Variants in GNA14 observed in about 807,000 individuals in gnomAD.
The protein encoded by GNA14 is G protein subunit alpha 14, also known as guanine nucleotide-binding protein subunit alpha-14.
In GNA14, 50 loss-of-function variants were observed where a neutral mutation model predicts 42.0. The ratio of observed to expected loss-of-function variants is 1.19; its 90% CI spans 0.95 to 1.51. The LOEUF is 1.51. Ranked by LOEUF, GNA14 falls within the 40% of genes most tolerant of loss-of-function variation. The pLI is 0.00. For missense variants in GNA14, 473 were observed against 446.2 expected, an observed-to-expected ratio of 1.06 and a Z score of -0.54; for synonymous variants, 173 against 163.1, an observed-to-expected ratio of 1.06 and a Z score of -0.46.
At chr9:77,519,229 G>A (rs1837311071) in intron 2 of GNA14, among the ~76,000 whole-genome samples, 1 of 152,142 alleles carries the variant, frequency 6.6e-6, no homozygotes, top group Admixed American at 6.5e-5. Context: ...TGGCCAACAT[G>A]GTGAAACCTC....
At chr9:77,567,141 G>T (rs1282724001) in intron 1 of GNA14, among the ~76,000 whole-genome samples, 3 of 152,034 alleles carry the variant, frequency 2.0e-5, no homozygotes, top group Non-Finnish European at 4.4e-5. Flanking sequence ...ATCTAAATCT[G>T]TTATGCAAAT....
chr9:77,491,561 CAAAT>C (rs746207974), intron 2 of GNA14, among the ~76,000 whole-genome samples: 56 of 152,160 alleles, frequency 3.7e-4, no homozygotes, highest in African/African-American at 1.3e-3. Flanking sequence ...TAAAAAGAGA[CAAAT>C]AATTAATTAC....
At chr9:77,477,319 C>G (rs1035993272) in intron 2 of GNA14, among the ~76,000 whole-genome samples, 1 of 152,064 alleles carries the variant, frequency 6.6e-6, no homozygotes. Context: ...TGCATTCCAG[C>G]CTGGGTGACA....
At chr9:77,589,855 C>T (rs1398627233) in intron 1 of GNA14, among the ~76,000 whole-genome samples, 2 of 152,188 alleles carry the variant, frequency 1.3e-5, no homozygotes, top group Non-Finnish European at 2.9e-5. Context: ...AGGGAAACAT[C>T]AAATATGAGT....
intron 4 of GNA14, among the ~76,000 whole-genome samples, chr9:77,431,047 T>TGG (rs781525638): frequency 4.8e-4 from 73 of 151,896 alleles, no homozygotes; most frequent in Non-Finnish European, 9.7e-4. Context: ...TGTGTGTGTG[T>TGG]GTGTGTGTGT....
chr9:77,555,809 C>T (rs546320405), intron 1 of GNA14, among the ~76,000 whole-genome samples: 5 of 152,276 alleles, frequency 3.3e-5, no homozygotes, highest in African/African-American at 1.2e-4. Flanking sequence ...AAATATTTTA[C>T]AGCAATGAAA....
intron 1 of GNA14, among the ~76,000 whole-genome samples, chr9:77,620,623 T>C (rs989717762): frequency 6.6e-6 from 1 of 151,896 alleles, no homozygotes; most frequent in Non-Finnish European, 1.5e-5. Context: ...TCGAGGCAGG[T>C]GGATCACGAG....
intron 1 of GNA14, among the ~76,000 whole-genome samples, chr9:77,557,924 A>G (rs1822814366): frequency 6.6e-6 from 1 of 152,162 alleles, no homozygotes; most frequent in African/African-American, 2.4e-5. Flanking sequence ...TTTTGCCAAC[A>G]AGTTCAGAAT....
chr9:77,547,863 C>T (rs981948895), intron 1 of GNA14, among the ~76,000 whole-genome samples: 2 of 152,000 alleles, frequency 1.3e-5, no homozygotes, highest in African/African-American at 4.8e-5. Context: ...GAATGAAAAT[C>T]ACATTAATTG....
rs1163590134 is a variant in GNA14, at chr9:77,618,620, A to ATT, written c.124+29048_124+29049dup. 3.7e-3 allele frequency among the ~76,000 whole-genome samples: 38 copies of ATT among 10,402 alleles called. 1 individual carries two copies. The highest frequency in any genetic ancestry group is 6.6e-3 in the East Asian group (1 of 152). 6.8% of individuals were successfully genotyped at this position (10,402 alleles called of 152,430 possible). A position where few individuals can be genotyped will look rare whatever the true frequency, so the allele number is the denominator to read the frequency against. On this transcript the variant is annotated intron_variant, in intron 1 of 6. Transcript: ENST00000341700. Reference sequence around the variant, plus strand: ...TATATATATATATATATATATATATATTTTTTTTTTTTTTTTTTTTTTTTT... The same window carrying ATT: ...TATATATATATATATATATATATATATTTTTTTTTTTTTTTTTTTTTTTTTTT...
chr9:77,520,904 A>G (rs1197051120), intron 2 of GNA14, among the ~76,000 whole-genome samples: 1 of 152,126 alleles, frequency 6.6e-6, no homozygotes, highest in Non-Finnish European at 1.5e-5. Flanking sequence ...CAATGTTATT[A>G]CTCATCATTG....
At chr9:77,571,865 A>G (rs1264273084) in intron 1 of GNA14, among the ~76,000 whole-genome samples, 2 of 152,192 alleles carry the variant, frequency 1.3e-5, no homozygotes, top group Non-Finnish European at 2.9e-5. Flanking sequence ...GTATGTTGAA[A>G]TGATAATTTT....
chr9:77,473,965 T>C (rs909717840), intron 2 of GNA14, among the ~76,000 whole-genome samples: 3 of 152,164 alleles, frequency 2.0e-5, no homozygotes, highest in African/African-American at 7.2e-5. Context: ...TGCAAAAGAA[T>C]GAAACTGGAT....
At chr9:77,619,850 C>T (rs1027288351) in intron 1 of GNA14, among the ~76,000 whole-genome samples, 1 of 152,070 alleles carries the variant, frequency 6.6e-6, no homozygotes, top group African/African-American at 2.4e-5. Context: ...CATTTTTATG[C>T]TACTAGATAA....
chr9:77,507,379 T>C (rs956323852), intron 2 of GNA14, among the ~76,000 whole-genome samples: 1 of 152,144 alleles, frequency 6.6e-6, no homozygotes, highest in Admixed American at 6.5e-5. Context: ...AGATACTTGG[T>C]TCCCTTCCAA....
At chr9:77,494,075 C>T (rs1836830816) in intron 2 of GNA14, among the ~76,000 whole-genome samples, 4 of 152,114 alleles carry the variant, frequency 2.6e-5, no homozygotes, top group Admixed American at 6.6e-5. Context: ...CACACACCAC[C>T]ATGCCCGGCT....
intron 1 of GNA14, among the ~76,000 whole-genome samples, chr9:77,558,929 CA>C (rs796275094): frequency 0.01 from 1,475 of 144,838 alleles, 19 homozygotes; most frequent in African/African-American, 0.027. Context: ...AAACAAAAAA[CA>C]AAAAAAAAAA....
intron 1 of GNA14, among the ~76,000 whole-genome samples, chr9:77,596,117 C>T (rs1003072318): frequency 6.6e-6 from 1 of 152,080 alleles, no homozygotes; most frequent in East Asian, 1.9e-4. Flanking sequence ...ATAAAGGCCA[C>T]TTCATATTTT....
Position 77,447,497 on chromosome 9 carries a change from C to A in GNA14, c.310-12975G>T, listed in dbSNP as rs1310703835. Among the ~76,000 whole-genome samples, 4 of 152,160 alleles carry A rather than the reference C, an allele frequency of 2.6e-5. No homozygotes were observed. In the South Asian group the frequency reaches 6.2e-4, roughly 24 times the overall value. Reference sequence around the variant, plus strand: ...TTCTATTTCTTTTTCAGTTTCTTTCCTTTATCCAGATCTGAGCCCAGACAT... The same window carrying A: ...TTCTATTTCTTTTTCAGTTTCTTTCATTTATCCAGATCTGAGCCCAGACAT... On this transcript the variant is annotated intron_variant, in intron 2 of 6. Transcript: ENST00000341700.
Sources: allele counts gnomAD v4.1 joint callset (sites outside exome capture counted in the v4.1 genomes callset), GRCh38; gene constraint gnomAD v4.1.1; transcripts MANE v1.5; gene names NCBI Gene and HGNC (gene_info 2026-07-23, HGNC 2026-07-21).